OXR1: variants seen among roughly 807,000 people sequenced by gnomAD.
The protein encoded by OXR1 is oxidation resistance protein 1.
A neutral mutation model predicts 104.6 loss-of-function variants in OXR1; 41 were observed. The observed-to-expected ratio is 0.39, with a 90% CI of 0.31 to 0.51. The LOEUF (loss-of-function observed/expected upper bound fraction) is 0.51, where lower values mean the gene tolerates loss of function less well. Among genes scored for constraint, OXR1 ranks in the 20% least tolerant of loss-of-function variants. The pLI is 0.77. For synonymous variants in OXR1, 348 were observed against 348.4 expected (o/e 1.00, Z 0.01); for missense variants, 955 against 1,031.9 (o/e 0.93, Z 1.02).
At chr8:106,424,775 G>T (rs937746938) in intron 2 of OXR1, among the ~76,000 whole-genome samples, 30 of 151,824 alleles carry the variant, frequency 2.0e-4, no homozygotes, top group African/African-American at 7.3e-4. Context: ...CTCTATTTTT[G>T]ATTACTATAA....
At chr8:106,289,869 G>T (rs1485226535) in intron 1 of OXR1, among the ~76,000 whole-genome samples, 2 of 152,130 alleles carry the variant, frequency 1.3e-5, no homozygotes, top group Non-Finnish European at 1.5e-5. Flanking sequence ...TCTCATGATA[G>T]TGAGTGAGTG....
intron 1 of OXR1, among the ~76,000 whole-genome samples, chr8:106,326,554 G>A (rs1814476488): frequency 6.6e-6 from 1 of 152,230 alleles, no homozygotes; most frequent in African/African-American, 2.4e-5. Flanking sequence ...CTCAGCCAGA[G>A]ATGTTTCAGC....
chr8:106,368,188 C>A (rs2130366300), intron 2 of OXR1, among the ~76,000 whole-genome samples: 1 of 152,056 alleles, frequency 6.6e-6, no homozygotes, highest in Non-Finnish European at 1.5e-5. Context: ...TCTCTATGTT[C>A]TTCAAAGTTT....
Position 106,504,645 on chromosome 8 carries a change from C to A in OXR1, c.24-14298C>A, listed in dbSNP as rs141972241. ...TTAATAGTTGAACTAGGCTTCCCAA[C>A]AGATGTAAAAGCCTTCTAATCTAGA... is the stretch of plus-strand genomic sequence containing the variant. On this transcript the variant is annotated intron_variant, in intron 2 of 16. Coordinates refer to ENST00000517566, the MANE Select transcript of OXR1 (RefSeq NM_001198533.2). 9.8e-5 allele frequency among the ~76,000 whole-genome samples: 15 copies of A among 152,294 alleles called. No individual in the cohort carries two copies. In the Middle Eastern group the frequency reaches 0.01, roughly 104 times the overall value.
intron 16 of OXR1, among the ~76,000 whole-genome samples, chr8:106,749,502 T>A (rs1222508948): frequency 3.9e-5 from 6 of 152,156 alleles, no homozygotes; most frequent in African/African-American, 1.4e-4. Flanking sequence ...GCTTTTCTTT[T>A]TTGTGTGTTT....
intron 15 of OXR1, among the ~76,000 whole-genome samples, chr8:106,743,557 G>A (rs377613294): frequency 1.3e-5 from 2 of 152,188 alleles, no homozygotes; most frequent in Non-Finnish European, 2.9e-5. Flanking sequence ...CTGACCTCAG[G>A]TGATCCACCC....
At chr8:106,568,621 C>T (rs945569702) in intron 3 of OXR1, among the ~76,000 whole-genome samples, 1 of 152,118 alleles carries the variant, frequency 6.6e-6, no homozygotes, top group African/African-American at 2.4e-5. Context: ...TGAGGTCTCA[C>T]ATCCAGTTTG....
chr8:106,444,488 C>A (rs1367930564), intron 2 of OXR1, among the ~76,000 whole-genome samples: 1 of 152,082 alleles, frequency 6.6e-6, no homozygotes, highest in Non-Finnish European at 1.5e-5. Context: ...ACATATACAC[C>A]ATGGAATACT....
At chr8:106,311,117 A>G (rs1813681857) in intron 1 of OXR1, among the ~76,000 whole-genome samples, 1 of 151,462 alleles carries the variant, frequency 6.6e-6, no homozygotes, top group Non-Finnish European at 1.5e-5. Flanking sequence ...TCTTTTTCTC[A>G]TTATTTTTCT....
At chr8:106,639,773 T>C (rs974617048) in intron 3 of OXR1, among the ~76,000 whole-genome samples, 1 of 152,208 alleles carries the variant, frequency 6.6e-6, no homozygotes, top group African/African-American at 2.4e-5. Flanking sequence ...TATTGATTAA[T>C]GCTTTCTATT....
At chr8:106,584,910 A>G (rs909763117) in intron 3 of OXR1, among the ~76,000 whole-genome samples, 5 of 152,132 alleles carry the variant, frequency 3.3e-5, no homozygotes, top group African/African-American at 4.8e-5. Flanking sequence ...GAGAGTAGGA[A>G]AAAGGGTGGG....
chr8:106,730,221 T>C (rs1833754381), intron 11 of OXR1, among the ~76,000 whole-genome samples: 1 of 152,158 alleles, frequency 6.6e-6, no homozygotes, highest in African/African-American at 2.4e-5. Flanking sequence ...TTACAGTGTA[T>C]GAACTAATAT....
chr8:106,670,065 T>C (rs2131148058), intron 3 of OXR1, among the ~76,000 whole-genome samples: 1 of 152,244 alleles, frequency 6.6e-6, no homozygotes, highest in African/African-American at 2.4e-5. Context: ...TAGTGTTGAT[T>C]CCTGAAACAG....
chr8:106,698,555 C>T (rs1259402470), intron 7 of OXR1, among the ~76,000 whole-genome samples: 1 of 152,156 alleles, frequency 6.6e-6, no homozygotes, highest in African/African-American at 2.4e-5. Context: ...TTGGGTCTCA[C>T]AGCTCCCTCA....
chr8:106,476,359 A>G (rs184433816), intron 2 of OXR1, among the ~76,000 whole-genome samples: 3 of 152,060 alleles, frequency 2.0e-5, no homozygotes, highest in East Asian at 3.9e-4. Context: ...GAACCCAATC[A>G]AGATAAAGGG....
chr8:106,722,632 C>G (rs1265401950), intron 11 of OXR1, among the ~76,000 whole-genome samples: 2 of 152,098 alleles, frequency 1.3e-5, no homozygotes, highest in African/African-American at 4.8e-5. Flanking sequence ...TTACAGTCAC[C>G]TATAGTATTC....
intron 1 of OXR1, among the ~76,000 whole-genome samples, chr8:106,281,411 C>T (rs1812274274): frequency 6.6e-6 from 1 of 152,196 alleles, no homozygotes; most frequent in South Asian, 2.1e-4. Flanking sequence ...TTATAGACCT[C>T]ACCACTGTAC....
chr8:106,677,533 C>A (rs1179134700), intron 3 of OXR1, among the ~76,000 whole-genome samples: 1 of 151,946 alleles, frequency 6.6e-6, no homozygotes, highest in South Asian at 2.1e-4. Flanking sequence ...TTTACCAACC[C>A]GATAGGTGTG....
At chr8:106,294,380 G>A in intron 1 of OXR1, among the ~76,000 whole-genome samples, 1 of 131,910 alleles carries the variant, frequency 7.6e-6, no homozygotes, top group Non-Finnish European at 1.5e-5. Context: ...TGGGCGACAG[G>A]GCAAGACTCT....
Sources: gnomAD v4.1 joint callset for allele counts (sites outside exome capture counted in the v4.1 genomes callset) on GRCh38, gnomAD v4.1.1 for gene constraint, MANE v1.5 for transcripts, NCBI Gene and HGNC (gene_info 2026-07-23, HGNC 2026-07-21) for gene names.